The following AGBL4 variants were observed in gnomAD, a reference collection of about 807,000 sequenced individuals.
AGBL4 encodes the protein AGBL carboxypeptidase 4.
AGBL4 carries 58 observed loss-of-function variants against 66.4 expected under a neutral mutation model. The observed-to-expected ratio is 0.87, with a 90% CI of 0.71 to 1.09. AGBL4 has a LOEUF of 1.09. Among genes scored for constraint, AGBL4 ranks in the 50% least tolerant of loss-of-function variants. AGBL4 has a pLI of 0.00. For missense variants in AGBL4, 579 were observed against 631.0 expected, an observed-to-expected ratio of 0.92 and a Z score of 0.88; for synonymous variants, 234 against 222.9, an observed-to-expected ratio of 1.05 and a Z score of -0.44.
At chr1:48,526,251 AAGG>A in the AGBL4 span, among the ~76,000 whole-genome samples, 1 of 152,176 alleles carries the variant, frequency 6.6e-6, no homozygotes, top group East Asian at 1.9e-4. Flanking sequence ...TGTACACAAA[AAGG>A]AGGAGGGGAG....
intron 3 of AGBL4, among the ~76,000 whole-genome samples, chr1:49,394,731 A>G (rs1644919848): frequency 6.6e-6 from 1 of 152,232 alleles, no homozygotes; most frequent in Non-Finnish European, 1.5e-5. Context: ...TGCATTGCTT[A>G]AAATTCACTA....
chr1:49,887,189 A>ATG (rs1557549871), intron 1 of AGBL4, among the ~76,000 whole-genome samples: 2 of 139,578 alleles, frequency 1.4e-5, no homozygotes, highest in East Asian at 4.0e-4. Context: ...ATATATATAT[A>ATG]TGTGTATGTA....
intron 3 of AGBL4, among the ~76,000 whole-genome samples, chr1:49,271,234 A>C (rs1644050938): frequency 6.6e-6 from 1 of 151,962 alleles, no homozygotes; most frequent in South Asian, 2.1e-4. Context: ...GACTTTTGGG[A>C]CTTTGTGAAT....
At chr1:48,687,803 C>T (rs1394352763) in intron 6 of AGBL4, among the ~76,000 whole-genome samples, 4 of 152,232 alleles carry the variant, frequency 2.6e-5, no homozygotes, top group Admixed American at 2.0e-4. Flanking sequence ...GCTGGCACTC[C>T]TGCCTTCAGG....
chr1:49,410,244 G>A (rs977795464), intron 3 of AGBL4, among the ~76,000 whole-genome samples: 11 of 152,106 alleles, frequency 7.2e-5, no homozygotes, highest in Non-Finnish European at 1.0e-4. Flanking sequence ...CTGCATTCCC[G>A]AGCACGACTA....
chr1:49,701,858 G>A (rs544833672), intron 2 of AGBL4, among the ~76,000 whole-genome samples: 66 of 152,030 alleles, frequency 4.3e-4, no homozygotes, highest in African/African-American at 1.2e-3. Flanking sequence ...GGCATTTGTC[G>A]TTTTAACAGA....
At chr1:48,938,188 T>C (rs1655637460) in intron 5 of AGBL4, among the ~76,000 whole-genome samples, 1 of 152,218 alleles carries the variant, frequency 6.6e-6, no homozygotes, top group South Asian at 2.1e-4. Flanking sequence ...TTGGGCCTTA[T>C]GCAAACAAAG....
intron 2 of AGBL4, among the ~76,000 whole-genome samples, chr1:49,708,121 C>T (rs1647352355): frequency 6.6e-6 from 1 of 152,138 alleles, no homozygotes; most frequent in African/African-American, 2.4e-5. Flanking sequence ...TGGGGACGTT[C>T]TCCTGGATAA....
chr1:48,986,706 C>A (rs1273777239), intron 5 of AGBL4, among the ~76,000 whole-genome samples: 2 of 151,968 alleles, frequency 1.3e-5, no homozygotes, highest in Non-Finnish European at 2.9e-5. Flanking sequence ...ATATGGATAC[C>A]AGATGGAAAT....
intron 3 of AGBL4, among the ~76,000 whole-genome samples, chr1:49,283,029 A>G (rs1204809711): frequency 1.3e-5 from 2 of 152,228 alleles, no homozygotes; most frequent in Non-Finnish European, 2.9e-5. Context: ...ACAGCTCAAG[A>G]AGGCCTGCCT....
intron 5 of AGBL4, among the ~76,000 whole-genome samples, chr1:48,879,716 G>A (rs2148840560): frequency 6.6e-6 from 1 of 152,088 alleles, no homozygotes; most frequent in South Asian, 2.1e-4. Flanking sequence ...GTACCATAAT[G>A]CAGGTATTTA....
intron 5 of AGBL4, among the ~76,000 whole-genome samples, chr1:48,940,091 T>A (rs1655831324): frequency 6.6e-6 from 1 of 152,216 alleles, no homozygotes; most frequent in Non-Finnish European, 1.5e-5. Context: ...TGCAATGTCC[T>A]TGTGAGATAA....
At chr1:49,394,771 C>A (rs909338273) in intron 3 of AGBL4, among the ~76,000 whole-genome samples, 4 of 152,092 alleles carry the variant, frequency 2.6e-5, no homozygotes, top group African/African-American at 7.2e-5. Context: ...GAGATAAGTC[C>A]GCCTCAGCAG....
At chr1:49,470,392 C>G (rs1490082465) in intron 3 of AGBL4, among the ~76,000 whole-genome samples, 1 of 151,904 alleles carries the variant, frequency 6.6e-6, no homozygotes, top group Non-Finnish European at 1.5e-5. Context: ...ATAGGAGAAA[C>G]TAATTTACTA....
At chr1:48,884,485 T>C (rs1047591510) in intron 5 of AGBL4, among the ~76,000 whole-genome samples, 1 of 152,156 alleles carries the variant, frequency 6.6e-6, no homozygotes, top group Non-Finnish European at 1.5e-5. Context: ...TTTGCATTCT[T>C]CTTATGAAGA....
chr1:49,177,013 A>G lies in AGBL4; in HGVS notation c.377+68757T>C, dbSNP rs1411436059. Among the ~76,000 whole-genome samples the G allele has an allele frequency of 2.0e-5, 3 of 152,152 alleles. No individual in the cohort carries two copies. In the East Asian group the frequency reaches 5.8e-4, roughly 29 times the overall value. ...GAAAAGAGTAACCGGTGACAACTCAACAAAGCTCTGTCTTGGTTTTCAAGG... is the reference window on the plus strand; with the variant it reads ...GAAAAGAGTAACCGGTGACAACTCAGCAAAGCTCTGTCTTGGTTTTCAAGG... On this transcript the variant is annotated intron_variant, in intron 4 of 13. Coordinates refer to ENST00000371839, the MANE Select transcript of AGBL4 (RefSeq NM_032785.4).
intron 5 of AGBL4, among the ~76,000 whole-genome samples, chr1:48,954,924 T>C (rs1352109627): frequency 6.6e-6 from 1 of 152,194 alleles, no homozygotes; most frequent in Non-Finnish European, 1.5e-5. Flanking sequence ...ATAATGTATA[T>C]ATAGCATATG....
chr1:48,647,663 G>A, intron 8 of AGBL4: 1 of 431,846 alleles, frequency 2.3e-6, no homozygotes, highest in South Asian at 1.7e-5. Flanking sequence ...GAGATGGAAA[G>A]TCTGTTTTTC....
intron 5 of AGBL4, among the ~76,000 whole-genome samples, chr1:48,890,461 T>G (rs1205025591): frequency 6.6e-6 from 1 of 152,212 alleles, no homozygotes; most frequent in African/African-American, 2.4e-5. Flanking sequence ...ATGTATATAT[T>G]CTTGCATTTT....
Sources: gnomAD v4.1 joint callset for allele counts (sites outside exome capture counted in the v4.1 genomes callset) on GRCh38, gnomAD v4.1.1 for gene constraint, MANE v1.5 for transcripts, NCBI Gene and HGNC (gene_info 2026-07-23, HGNC 2026-07-21) for gene names.